Variants in OPCML observed in about 807,000 individuals in gnomAD.
OPCML encodes opioid binding protein/cell adhesion molecule like.
A neutral mutation model predicts 37.8 loss-of-function variants in OPCML; 13 were observed. That is an observed-to-expected ratio of 0.34 (90% CI 0.22 to 0.55). The LOEUF (loss-of-function observed/expected upper bound fraction) is 0.55, where lower values mean the gene tolerates loss of function less well. Among genes scored for constraint, OPCML ranks in the 20% least tolerant of loss-of-function variants. The pLI is 0.91. For synonymous variants in OPCML, 176 were observed against 168.8 expected, an observed-to-expected ratio of 1.04 and a Z score of -0.33; for missense variants, 341 against 435.6, an observed-to-expected ratio of 0.78 and a Z score of 1.93.
chr11:132,551,518 G>A (rs1005683548), intron 3 of OPCML, among the ~76,000 whole-genome samples: 1 of 152,126 alleles, frequency 6.6e-6, no homozygotes, highest in Admixed American at 6.5e-5. Flanking sequence ...GAGTCTCACG[G>A]CTGGAGGCTA....
chr11:132,659,132 G>A (rs1941840717), intron 2 of OPCML, among the ~76,000 whole-genome samples: 1 of 152,138 alleles, frequency 6.6e-6, no homozygotes, highest in African/African-American at 2.4e-5. Context: ...AAAAAATGAA[G>A]TCATGTTATC....
chr11:133,264,784 G>T (rs954491430), intron 1 of OPCML, among the ~76,000 whole-genome samples: 3 of 151,964 alleles, frequency 2.0e-5, no homozygotes, highest in Middle Eastern at 3.4e-3. Context: ...AAAAAAGTAC[G>T]TGGTTATACA....
intron 1 of OPCML, among the ~76,000 whole-genome samples, chr11:133,090,743 G>C (rs1948893357): frequency 6.6e-6 from 1 of 151,922 alleles, no homozygotes; most frequent in African/African-American, 2.4e-5. Flanking sequence ...AAGAAATGAA[G>C]TGAAGACAGA....
chr11:132,644,894 C>T (rs144944593), intron 3 of OPCML, among the ~76,000 whole-genome samples: 6 of 152,328 alleles, frequency 3.9e-5, no homozygotes, highest in Middle Eastern at 3.4e-3. Flanking sequence ...AAATTGAATA[C>T]AGGGACAAAG....
rs1945652571 is a variant in OPCML, at chr11:132,943,407, C to T, written c.62-397G>A. On this transcript the variant is annotated intron_variant, in intron 1 of 7. Transcript: ENST00000524381. The surrounding 1 kb of genome is among the most constrained non-coding windows in gnomAD (Gnocchi z 4.3). ...AGAAGCAAGGTGCGGGGATGAAGGT[C>T]ACAGATTGCGCTTTCTCTGCCTCTC... The T allele has an allele frequency of 7.1e-6, 3 of 423,050 alleles. 1 individual carries two copies. In the South Asian group the frequency reaches 1.0e-4, roughly 14 times the overall value. 26.2% of individuals were successfully genotyped at this position (423,050 alleles called of 1,614,324 possible). A position where few individuals can be genotyped will look rare whatever the true frequency, so the allele number is the denominator to read the frequency against.
intron 2 of OPCML, among the ~76,000 whole-genome samples, chr11:132,758,905 T>C (rs1946162080): frequency 6.6e-6 from 1 of 152,316 alleles, no homozygotes; most frequent in Non-Finnish European, 1.5e-5. Flanking sequence ...GTTTCCATCT[T>C]TTGCCCATTC....
At chr11:133,518,219 G>A (rs924679021) in intron 1 of OPCML, among the ~76,000 whole-genome samples, 1 of 151,922 alleles carries the variant, frequency 6.6e-6, no homozygotes, top group East Asian at 1.9e-4. Flanking sequence ...GTATAAGTGT[G>A]TGGGGGGGTG....
intron 1 of OPCML, among the ~76,000 whole-genome samples, chr11:133,199,402 C>A (rs1158696243): frequency 1.3e-5 from 2 of 151,970 alleles, no homozygotes; most frequent in Non-Finnish European, 2.9e-5. Context: ...AAATTTTTTT[C>A]TTGTGATAAG....
intron 3 of OPCML, among the ~76,000 whole-genome samples, chr11:132,549,121 G>T (rs531088264): frequency 6.6e-6 from 1 of 152,080 alleles, no homozygotes; most frequent in African/African-American, 2.4e-5. Flanking sequence ...AGATCACGCC[G>T]ATAAAACAGG....
intron 1 of OPCML, among the ~76,000 whole-genome samples, chr11:133,265,338 C>T (rs1941624584): frequency 6.6e-6 from 1 of 152,148 alleles, no homozygotes; most frequent in African/African-American, 2.4e-5. Flanking sequence ...GCCATCATAC[C>T]AGGTTCTGCT....
intron 1 of OPCML, among the ~76,000 whole-genome samples, chr11:133,154,198 G>A (rs1401278045): frequency 4.1e-5 from 6 of 148,142 alleles, no homozygotes; most frequent in East Asian, 2.0e-4. Context: ...CCATCCGCAC[G>A]AATGTGCTCA....
chr11:133,156,751 G>T (rs1950068168), intron 1 of OPCML, among the ~76,000 whole-genome samples: 1 of 152,062 alleles, frequency 6.6e-6, no homozygotes, highest in Non-Finnish European at 1.5e-5. Flanking sequence ...ATGTCTATTT[G>T]GAATCCCCAC....
intron 2 of OPCML, among the ~76,000 whole-genome samples, chr11:132,831,262 A>G (rs924022173): frequency 2.6e-5 from 4 of 152,182 alleles, no homozygotes; most frequent in African/African-American, 9.7e-5. Flanking sequence ...ACAGAAGTCC[A>G]AACTCCAAAC....
chr11:133,464,437 T>A (rs2136992411), intron 1 of OPCML, among the ~76,000 whole-genome samples: 1 of 152,270 alleles, frequency 6.6e-6, no homozygotes, highest in Middle Eastern at 3.4e-3. Context: ...ATGATGGGTT[T>A]GAGAAGAGAA....
intron 7 of OPCML, among the ~76,000 whole-genome samples, chr11:132,430,761 G>C (rs1033117470): frequency 6.6e-6 from 1 of 152,076 alleles, no homozygotes; most frequent in Admixed American, 6.5e-5. Flanking sequence ...TCCCCCCTCC[G>C]TCTTGGCTTT....
chr11:132,834,976 G>A (rs1940925646), intron 2 of OPCML, among the ~76,000 whole-genome samples: 2 of 135,906 alleles, frequency 1.5e-5, no homozygotes, highest in African/African-American at 6.0e-5. Context: ...TCCCCCGGGT[G>A]GTGGCACTTT....
intron 1 of OPCML, among the ~76,000 whole-genome samples, chr11:133,479,869 T>C (rs902172342): frequency 6.6e-6 from 1 of 152,224 alleles, no homozygotes; most frequent in Admixed American, 6.5e-5. Context: ...CCACCCACGA[T>C]GCTAAGGCCT....
chr11:132,574,344 T>C (rs534003816), intron 3 of OPCML, among the ~76,000 whole-genome samples: 1 of 151,356 alleles, frequency 6.6e-6, no homozygotes, highest in Non-Finnish European at 1.5e-5. Context: ...GGTGTAAAAT[T>C]AAATTGTTTA....
chr11:132,973,375 T>C (rs1181915418), intron 1 of OPCML, among the ~76,000 whole-genome samples: 1 of 152,224 alleles, frequency 6.6e-6, no homozygotes, highest in Non-Finnish European at 1.5e-5. Context: ...CCCACCATGA[T>C]GCATCTTTGA....
Sources: allele counts gnomAD v4.1 joint callset (sites outside exome capture counted in the v4.1 genomes callset), GRCh38; gene constraint gnomAD v4.1.1; non-coding constraint Gnocchi (gnomAD v3.1); transcripts MANE v1.5; gene names NCBI Gene and HGNC (gene_info 2026-07-23, HGNC 2026-07-21).